The following BOD1 variants were observed in gnomAD, a reference collection of about 807,000 sequenced individuals.
BOD1 encodes the protein biorientation of chromosomes in cell division protein 1.
In BOD1, 11 loss-of-function variants were observed where a neutral mutation model predicts 15.7. The ratio of observed to expected loss-of-function variants is 0.70; its 90% confidence interval spans 0.44 to 1.16. The LOEUF (loss-of-function observed/expected upper bound fraction) is 1.16. BOD1 is among the 50% of genes most tolerant of loss of function. The pLI, the probability that BOD1 is intolerant of heterozygous loss-of-function variation, is 0.00. For synonymous variants in BOD1, 105 were observed against 103.5 expected (o/e 1.01, Z -0.09); for missense variants, 182 against 244.5 (o/e 0.74, Z 1.70).
At position 173,613,226 on chromosome 5, in the gene BOD1, C is replaced by T; in HGVS notation, c.267G>A (p.Val89=). The T allele has an allele frequency of 6.6e-7, 1 of 1,516,188 alleles. No homozygotes were observed. Among genetic ancestry groups the T allele is most frequent in the Non-Finnish European group, 8.9e-7 (1 of 1,125,060 alleles). 93.9% of individuals were successfully genotyped at this position (1,516,188 alleles called of 1,614,324 possible). Residue 89 remains valine (V), a synonymous_variant, in exon 2 of 4, where the codon GTG becomes GTA. Transcript: ENST00000311086. The part of the protein sequence containing the change: ...KPAYQNLRQK[V]DNFVSTHLDK... ...CCAGATGTGTTGACACAAAATTATCCACTTTCTGCCTCAGGTTTTGGTAAG... is the reference window on the plus strand; with the variant it reads ...CCAGATGTGTTGACACAAAATTATCTACTTTCTGCCTCAGGTTTTGGTAAG...
At chr5:173,610,552 T>C (rs1332696499) in intron 2 of BOD1, among the ~76,000 whole-genome samples, 2 of 152,168 alleles carry the variant, frequency 1.3e-5, no homozygotes, top group Non-Finnish European at 2.9e-5. Context: ...GACCAGGCAT[T>C]AGACAGTATC....
rs746463603 is a variant in BOD1, at chr5:173,613,263, G to A, written c.238-8C>T. The A allele has an allele frequency of 9.9e-6, 16 of 1,613,556 alleles. No homozygotes were observed. The Admixed American group carries it at 2.7e-4, about 27-fold the overall frequency. ...CAGGTTTTGGTAAGCTGGCTAAAAT[G>A]TTAAAAAGAGGAGGCAAGGTCAGAA... On this transcript the variant is annotated splice_region_variant and splice_polypyrimidine_tract_variant and intron_variant, in intron 1 of 3. Transcript: ENST00000311086.
chr5:173,616,392 G>A lies in BOD1; in HGVS notation c.45C>T (p.Gly15=), dbSNP rs1233286270. The change falls in exon 1 of 4, where the codon GGC becomes GGT. Residue 15 remains glycine (G), a synonymous_variant. Transcript: ENST00000311086. ...CGGCAGAGGCCTGGCTAGTTCCGCCGCCGCCCACCGCGCCAGTTCCCCCGC... is the reference window on the plus strand; with the variant it reads ...CGGCAGAGGCCTGGCTAGTTCCGCCACCGCCCACCGCGCCAGTTCCCCCGC... ...GGGGGTGAVG[G]GGTSQASAGA... 2.0e-6 allele frequency: 3 copies of A among 1,520,638 alleles called. No individual in the cohort carries two copies. Among genetic ancestry groups the A allele is most frequent in the East Asian group, 2.6e-5 (1 of 38,400 alleles). The allele number at this position is 1,520,638 out of a possible 1,614,324, so 94.2% of individuals were successfully genotyped here. A position where few individuals can be genotyped will look rare whatever the true frequency, so the allele number is the denominator to read the frequency against.
chr5:173,613,235 C>T lies in BOD1; in HGVS notation c.258G>A (p.Arg86=). 1.9e-6 allele frequency: 3 copies of T among 1,543,686 alleles called. No homozygotes were observed. Among genetic ancestry groups the T allele is most frequent in the Non-Finnish European group, 2.6e-6 (3 of 1,140,730 alleles). ...TTGACACAAAATTATCCACTTTCTG[C>T]CTCAGGTTTTGGTAAGCTGGCTAAA... ...VDTKPAYQNL[R]QKVDNFVSTH... is the part of the protein sequence containing the mutation. The change falls in exon 2 of 4, where the codon AGG becomes AGA. Residue 86 remains arginine (R), a synonymous_variant. Coordinates refer to ENST00000311086, the MANE Select transcript of BOD1 (RefSeq NM_138369.3).
chr5:173,609,090 T>TA (rs1369462700), intron 3 of BOD1, 148 bp downstream of exon 3: 2 of 877,822 alleles, frequency 2.3e-6, no homozygotes, highest in African/African-American at 1.7e-5. Flanking sequence ...TAGTTCTCAG[T>TA]AAAAAGTGAC....
intron 3 of BOD1, 141 bp downstream of exon 3, chr5:173,609,097 T>C: frequency 1.1e-6 from 1 of 921,880 alleles, no homozygotes; most frequent in East Asian, 2.5e-5. Context: ...CAGTAAAAAG[T>C]GACTTATAAC....
intron 1 of BOD1, 69 bp from the exon 2 acceptor site, chr5:173,613,324 G>A: frequency 6.4e-7 from 1 of 1,560,000 alleles, no homozygotes; most frequent in Non-Finnish European, 8.8e-7. Flanking sequence ...TAGTCTCTCA[G>A]AACACTGCTT....
At chr5:173,613,086 T>C in intron 2 of BOD1, 45 bp downstream of exon 2, 1 of 1,515,248 alleles carries the variant, frequency 6.6e-7, no homozygotes, top group Non-Finnish European at 8.9e-7. Context: ...TGCATCACAC[T>C]TGTGATGACT....
intron 1 of BOD1, 74 bp from the exon 2 acceptor site, chr5:173,613,329 C>T (rs1202749049): frequency 6.5e-7 from 1 of 1,533,988 alleles, no homozygotes; most frequent in Non-Finnish European, 9.0e-7. Flanking sequence ...TCTCAGAACA[C>T]TGCTTTTCAC....
chr5:173,608,186 T>C lies in BOD1; in HGVS notation c.*108A>G, dbSNP rs1014097771. 1 of 1,308,332 alleles carries C rather than the reference T, an allele frequency of 7.6e-7. No homozygotes were observed. Among genetic ancestry groups the C allele is most frequent in the Non-Finnish European group, 1.1e-6 (1 of 904,250 alleles). The allele number at this position is 1,308,332 out of a possible 1,614,324, so 81.0% of individuals were successfully genotyped here. On this transcript the variant is annotated 3_prime_UTR_variant, in exon 4 of 4. Coordinates refer to ENST00000311086, the MANE Select transcript of BOD1 (RefSeq NM_138369.3). ...CTGCCCATGGTCAAGGTTGAAATCT[T>C]GAGATCAGTGACGACCTTGGCCTAT...
chr5:173,610,603 C>CTGTGGG (rs1438837775), intron 2 of BOD1, among the ~76,000 whole-genome samples: 1 of 152,142 alleles, frequency 6.6e-6, no homozygotes, highest in Admixed American at 6.5e-5. Flanking sequence ...GCAAAGTTAG[C>CTGTGGG]ATCCGGCTAT....
At chr5:173,610,920 A>G (rs548250478) in intron 2 of BOD1, among the ~76,000 whole-genome samples, 1 of 152,344 alleles carries the variant, frequency 6.6e-6, no homozygotes, top group African/African-American at 2.4e-5. Flanking sequence ...CCACATGAGA[A>G]GAACAAGCAG....
At chr5:173,609,665 C>A (rs963408956) in intron 2 of BOD1, 1 of 500,722 alleles carries the variant, frequency 2.0e-6, no homozygotes, top group Non-Finnish European at 3.5e-6. Context: ...CCCACAATCA[C>A]CCAACCTTGT....
chr5:173,609,208 T>A, intron 3 of BOD1, 30 bp downstream of exon 3: 4 of 1,384,830 alleles, frequency 2.9e-6, no homozygotes, highest in Non-Finnish European at 3.9e-6. Context: ...CAGAGATGCA[T>A]ACTCCTGGAC....
At chr5:173,616,089 T>G in intron 1 of BOD1, 111 bp downstream of exon 1, 149 of 1,390,320 alleles carry the variant, frequency 1.1e-4, no homozygotes, top group Non-Finnish European at 1.3e-4. Context: ...ACCTCACCGC[T>G]GAGATTTCTA....
chr5:173,611,325 C>T (rs922029350), intron 2 of BOD1, among the ~76,000 whole-genome samples: 7 of 152,198 alleles, frequency 4.6e-5, no homozygotes, highest in African/African-American at 1.7e-4. Flanking sequence ...GCCAGAACAG[C>T]CAGGCCAGTG....
At chr5:173,612,355 C>A (rs560393819) in intron 2 of BOD1, among the ~76,000 whole-genome samples, 9 of 152,272 alleles carry the variant, frequency 5.9e-5, no homozygotes, top group African/African-American at 1.9e-4. Flanking sequence ...CAATCCAGAC[C>A]TTATTTAGAC....
Position 173,616,185 on chromosome 5 carries a change from G to T in BOD1, c.237+15C>A, listed in dbSNP as rs184246750. 4,167 of 1,571,346 alleles carry T rather than the reference G, an allele frequency of 2.7e-3. 9 individuals carry two copies. Among genetic ancestry groups the T allele is most frequent in the Non-Finnish European group, 2.5e-3 (2,925 of 1,159,394 alleles). ...GTGCAGCCCCGCTCCCCAACGCCCAGGCGGCCGCAGCTACCTTGGTGTCCA... is the reference window on the plus strand; with the variant it reads ...GTGCAGCCCCGCTCCCCAACGCCCATGCGGCCGCAGCTACCTTGGTGTCCA... On this transcript the variant is annotated intron_variant, in intron 1 of 3. Transcript: ENST00000311086.
intron 2 of BOD1, chr5:173,609,701 G>A (rs1328399610): frequency 2.5e-6 from 1 of 395,116 alleles, no homozygotes; most frequent in Admixed American, 4.1e-5. Context: ...ACAAAACTAA[G>A]TGAGTTGCTC....
Sources: gnomAD v4.1 joint callset for allele counts (sites outside exome capture counted in the v4.1 genomes callset) on GRCh38, gnomAD v4.1.1 for gene constraint, MANE v1.5 for transcripts, NCBI Gene and HGNC (gene_info 2026-07-23, HGNC 2026-07-21) for gene names.